Variants in TC2N observed in about 807,000 individuals in gnomAD.
The protein encoded by TC2N is tandem C2 domains nuclear protein.
A neutral mutation model predicts 61.9 loss-of-function variants in TC2N; 51 were observed. That is an observed-to-expected ratio of 0.82 (90% CI 0.66 to 1.04). The LOEUF is 1.04. TC2N is among the 50% of genes least tolerant of loss of function. TC2N has a pLI of 0.00. For missense variants in TC2N, 556 were observed against 566.7 expected (o/e 0.98, Z 0.19); for synonymous variants, 204 against 192.6 (o/e 1.06, Z -0.49).
At chr14:91,840,646 G>A (rs1042563252) in intron 1 of TC2N, among the ~76,000 whole-genome samples, 2 of 152,074 alleles carry the variant, frequency 1.3e-5, no homozygotes, top group African/African-American at 4.8e-5. Flanking sequence ...TCAAAGTCTA[G>A]TATATATTCA....
At chr14:91,807,716 T>C (rs537627219) in intron 3 of TC2N, among the ~76,000 whole-genome samples, 2 of 152,296 alleles carry the variant, frequency 1.3e-5, no homozygotes, top group South Asian at 2.1e-4. Context: ...AGACTTTGAA[T>C]TGTGGACTTT....
chr14:91,829,368 A>G (rs1887645979), intron 1 of TC2N, among the ~76,000 whole-genome samples: 1 of 151,712 alleles, frequency 6.6e-6, no homozygotes, highest in Admixed American at 6.6e-5. Flanking sequence ...CCTCTTTTAT[A>G]TTTTCCATTT....
At chr14:91,836,693 G>T (rs961749173) in intron 1 of TC2N, among the ~76,000 whole-genome samples, 16 of 152,170 alleles carry the variant, frequency 1.1e-4, no homozygotes, top group African/African-American at 3.9e-4. Flanking sequence ...GGCCTCCCGC[G>T]TACCTGAGCC....
At chr14:91,809,471 G>T (rs1886669877) in intron 3 of TC2N, among the ~76,000 whole-genome samples, 1 of 152,028 alleles carries the variant, frequency 6.6e-6, no homozygotes, top group South Asian at 2.1e-4. Flanking sequence ...TCTCTTGTAG[G>T]TAACAATAAA....
intron 1 of TC2N, among the ~76,000 whole-genome samples, chr14:91,831,107 C>T (rs574793548): frequency 1.3e-5 from 2 of 152,286 alleles, no homozygotes; most frequent in South Asian, 2.1e-4. Flanking sequence ...GTCTCTCATA[C>T]GTTTAGCTTT....
At chr14:91,865,336 C>T (rs1458943914) in intron 1 of TC2N, among the ~76,000 whole-genome samples, 1 of 149,960 alleles carries the variant, frequency 6.7e-6, no homozygotes, top group African/African-American at 2.5e-5. Context: ...ATAAATTTTG[C>T]CTCTGTGCAC....
intron 1 of TC2N, among the ~76,000 whole-genome samples, chr14:91,844,710 G>A (rs1888233439): frequency 1.5e-5 from 2 of 135,358 alleles, no homozygotes; most frequent in African/African-American, 2.9e-5. Context: ...GCAGTGAGCC[G>A]ATATTGCACC....
intron 1 of TC2N, among the ~76,000 whole-genome samples, chr14:91,853,080 C>G (rs1888406883): frequency 6.6e-6 from 1 of 151,970 alleles, no homozygotes; most frequent in African/African-American, 2.4e-5. Context: ...AAAAAACAAA[C>G]AAACAAACAA....
At chr14:91,833,739 C>A (rs951738678) in intron 1 of TC2N, among the ~76,000 whole-genome samples, 42 of 152,170 alleles carry the variant, frequency 2.8e-4, no homozygotes, top group African/African-American at 1.0e-3. Context: ...TTTACTTTCG[C>A]AGACAATGCC....
At chr14:91,787,446 G>A (rs1457453458) in intron 10 of TC2N, 67 bp downstream of exon 10, 2 of 861,906 alleles carry the variant, frequency 2.3e-6, no homozygotes, top group Non-Finnish European at 3.6e-6. Flanking sequence ...TGTAAGAAAT[G>A]TAAAAAAAAT....
chr14:91,867,392 C>G lies in TC2N; in HGVS notation c.-187G>C, dbSNP rs1338736058. On this transcript the variant is annotated 5_prime_UTR_variant, in exon 1 of 12. Transcript: ENST00000435962. ...TCTCCCTACACAGCAGGGACCCAGG[C>G]TCACTGCTGCCTTCTGGCCTTTGCT... is the stretch of plus-strand genomic sequence containing the variant. The G allele has an allele frequency of 1.3e-5, 2 of 152,272 alleles. No homozygotes were observed. The highest frequency in any genetic ancestry group is 6.5e-5 in the Admixed American group (1 of 15,290). 9.4% of individuals were successfully genotyped at this position (152,272 alleles called of 1,614,324 possible).
intron 1 of TC2N, among the ~76,000 whole-genome samples, chr14:91,827,094 A>T (rs1887532427): frequency 6.6e-6 from 1 of 152,200 alleles, no homozygotes; most frequent in African/African-American, 2.4e-5. Context: ...ATATGAATTT[A>T]AACCTATATT....
At chr14:91,786,388 T>C (rs925247029) in intron 10 of TC2N, among the ~76,000 whole-genome samples, 1 of 152,218 alleles carries the variant, frequency 6.6e-6, no homozygotes, top group African/African-American at 2.4e-5. Flanking sequence ...TATGCTGACC[T>C]CACAAAATTA....
At chr14:91,824,755 G>A (rs1350043945) in intron 1 of TC2N, among the ~76,000 whole-genome samples, 2 of 152,148 alleles carry the variant, frequency 1.3e-5, no homozygotes, top group African/African-American at 2.4e-5. Flanking sequence ...GATTCAAAAG[G>A]AATGAATGTT....
intron 3 of TC2N, among the ~76,000 whole-genome samples, chr14:91,804,198 G>A (rs533792601): frequency 7.9e-5 from 12 of 152,298 alleles, no homozygotes; most frequent in Middle Eastern, 3.4e-3. Flanking sequence ...GTACGTGTTG[G>A]CAAGAAAGTA....
At chr14:91,815,957 AAT>A (rs1444180174) in intron 1 of TC2N, among the ~76,000 whole-genome samples, 3 of 151,776 alleles carry the variant, frequency 2.0e-5, no homozygotes, top group African/African-American at 7.2e-5. Context: ...TAAAATAATT[AAT>A]GTCATCAACT....
intron 1 of TC2N, among the ~76,000 whole-genome samples, chr14:91,823,358 T>C (rs915132419): frequency 6.6e-6 from 1 of 151,190 alleles, no homozygotes; most frequent in Admixed American, 6.6e-5. Context: ...CCATCTCTAC[T>C]AAAAATAAAA....
intron 8 of TC2N, among the ~76,000 whole-genome samples, chr14:91,796,472 G>A (rs1885901435): frequency 6.6e-6 from 1 of 151,998 alleles, no homozygotes; most frequent in Non-Finnish European, 1.5e-5. Flanking sequence ...GAAGTCCTGA[G>A]CCCCAGCATC....
At chr14:91,799,320 G>C (rs543727973) in intron 5 of TC2N, among the ~76,000 whole-genome samples, 42 of 152,024 alleles carry the variant, frequency 2.8e-4, no homozygotes, top group African/African-American at 9.6e-4. Context: ...GTAATAAGGA[G>C]AAAGATATTA....
Sources: allele counts gnomAD v4.1 joint callset (sites outside exome capture counted in the v4.1 genomes callset), GRCh38; gene constraint gnomAD v4.1.1; transcripts MANE v1.5; gene names NCBI Gene and HGNC (gene_info 2026-07-23, HGNC 2026-07-21).